EIF4A3: variants seen among roughly 807,000 people sequenced by gnomAD.
EIF4A3 encodes eukaryotic translation initiation factor 4A3, also known as eukaryotic initiation factor 4A-III.
A neutral mutation model predicts 55.6 loss-of-function variants in EIF4A3; 1 was observed. The ratio of observed to expected loss-of-function variants is 0.02; its 90% CI spans 0.01 to 0.09. The LOEUF (loss-of-function observed/expected upper bound fraction) is 0.09, where lower values mean the gene tolerates loss of function less well. Among genes scored for constraint, EIF4A3 ranks in the 10% least tolerant of loss-of-function variants. The pLI is 1.00. For missense variants in EIF4A3, 221 were observed against 540.7 expected (o/e 0.41, Z 5.86); for synonymous variants, 194 against 196.3 (o/e 0.99, Z 0.10).
At chr17:80,138,871 A>G in intron 7 of EIF4A3, 150 bp downstream of exon 7, 1 of 1,029,200 alleles carries the variant, frequency 9.7e-7, no homozygotes, top group Non-Finnish European at 1.4e-6. Flanking sequence ...CTTTACACTC[A>G]GGCAAGAGGA....
intron 6 of EIF4A3, 196 bp from the exon 7 acceptor site, chr17:80,139,358 C>G (rs562180248): frequency 1.4e-6 from 1 of 725,046 alleles, no homozygotes; most frequent in African/African-American, 1.8e-5. Context: ...GGAGTGTTAT[C>G]TGGTTGAGGG....
chr17:80,135,540 A>G (rs2039563459), intron 11 of EIF4A3, 34 bp from the exon 12 acceptor site: 2 of 1,527,038 alleles, frequency 1.3e-6, no homozygotes, highest in East Asian at 4.9e-5. Context: ...TTAAGGAACA[A>G]CACAAACAAA....
At chr17:80,135,644 C>G in intron 11 of EIF4A3, 138 bp from the exon 12 acceptor site, 1 of 765,292 alleles carries the variant, frequency 1.3e-6, no homozygotes, top group Non-Finnish European at 2.1e-6. Flanking sequence ...GCCTGTAATC[C>G]CAGCACTTTG....
In EIF4A3 at chr17:80,140,722, G is replaced by A. The variant is rs1190889480; in HGVS notation, c.373-582C>T. ...AAAATTCATAATCCCATCCACCGAA[G>A]AAACCAGCATTAACATCTTAATATA... On this transcript the variant is annotated intron_variant, in intron 4 of 11. Transcript: ENST00000649764. Among the ~76,000 whole-genome samples the A allele has an allele frequency of 2.6e-5, 4 of 152,138 alleles. No individual in the cohort carries two copies. The East Asian group carries it at 5.8e-4, about 22-fold the overall frequency.
At chr17:80,140,819 A>G (rs183746070) in intron 4 of EIF4A3, among the ~76,000 whole-genome samples, 4 of 152,068 alleles carry the variant, frequency 2.6e-5, no homozygotes, top group African/African-American at 7.2e-5. Context: ...TTTTTGAGAC[A>G]GAGTTTCACT....
In EIF4A3 at chr17:80,135,118, C is replaced by A; in HGVS notation, c.*372G>T. 5.9e-6 allele frequency: 1 copy of A among 170,584 alleles called. No homozygotes were observed. Among genetic ancestry groups the A allele is most frequent in the East Asian group, 1.5e-4 (1 of 6,778 alleles). 10.6% of individuals were successfully genotyped at this position (170,584 alleles called of 1,614,324 possible). On this transcript the variant is annotated 3_prime_UTR_variant, in exon 12 of 12. Coordinates refer to ENST00000649764, the MANE Select transcript of EIF4A3 (RefSeq NM_014740.4). Reference sequence around the variant, plus strand: ...GGTGAGAGGAGATCACGCCACTGCGCTCCTGCCTGGGCAACAGAGGGAGAC... The same window carrying A: ...GGTGAGAGGAGATCACGCCACTGCGATCCTGCCTGGGCAACAGAGGGAGAC...
chr17:80,146,134 T>G (rs528970857), intron 1 of EIF4A3, among the ~76,000 whole-genome samples: 5 of 152,286 alleles, frequency 3.3e-5, no homozygotes, highest in African/African-American at 9.6e-5. Flanking sequence ...CGACTAGCTC[T>G]CCAAAATCCC....
intron 4 of EIF4A3, 196 bp from the exon 5 acceptor site, chr17:80,140,336 CGGA>C: frequency 1.7e-6 from 1 of 575,418 alleles, no homozygotes; most frequent in Non-Finnish European, 2.6e-6. Flanking sequence ...TTTTTTGAGA[CGGA>C]GTCTCACTCT....
chr17:80,147,106 T>TGTGCCGCTGCCGACCTCGCG lies in EIF4A3; in HGVS notation c.-146_-145insCGCGAGGTCGGCAGCGGCAC. The TGTGCCGCTGCCGACCTCGCG allele has an allele frequency of 8.3e-7, 1 of 1,199,692 alleles. No individual in the cohort carries two copies. Among genetic ancestry groups the TGTGCCGCTGCCGACCTCGCG allele is most frequent in the Non-Finnish European group, 1.1e-6 (1 of 918,400 alleles). The allele number at this position is 1,199,692 out of a possible 1,614,324, so 74.3% of individuals were successfully genotyped here. On this transcript the variant is annotated 5_prime_UTR_variant, in exon 1 of 12. Transcript: ENST00000649764. ...CTCGCTGTGCCGCTGCCGACCTCGC[T>TGTGCCGCTGCCGACCTCGCG]GTGCCGCTGCCGACCTCGCTGTGCC...
At chr17:80,140,419 T>C in intron 4 of EIF4A3, 1 of 267,056 alleles carries the variant, frequency 3.7e-6, no homozygotes, top group Admixed American at 5.2e-5. Context: ...GTTCACGCCA[T>C]TCTCCCGCCT....
chr17:80,138,627 T>C (rs1048960671), intron 7 of EIF4A3: 2 of 341,940 alleles, frequency 5.8e-6, no homozygotes, highest in African/African-American at 4.1e-5. Flanking sequence ...GACAGGGTCT[T>C]GCTCTGTTGC....
At chr17:80,136,436 C>A in intron 9 of EIF4A3, 101 bp from the exon 10 acceptor site, 2 of 884,722 alleles carry the variant, frequency 2.3e-6, no homozygotes, top group Non-Finnish European at 3.5e-6. Flanking sequence ...GCTGCAGGTC[C>A]AAAATATACG....
chr17:80,138,914 A>G (rs2039595239), intron 7 of EIF4A3, 107 bp downstream of exon 7: 7 of 1,456,620 alleles, frequency 4.8e-6, no homozygotes, highest in African/African-American at 2.8e-5. Flanking sequence ...CACGAGCTTC[A>G]GCAACACAGC....
chr17:80,144,051 C>T lies in EIF4A3; in HGVS notation c.242+121G>A, dbSNP rs564463859. ...AAGTATTAAACCCTGTGGCTAAAGTCAGGGAAAGTGTTGGAACTGAGCGTG... is the reference window on the plus strand; with the variant it reads ...AAGTATTAAACCCTGTGGCTAAAGTTAGGGAAAGTGTTGGAACTGAGCGTG... On this transcript the variant is annotated intron_variant, in intron 2 of 11. Transcript: ENST00000649764. 9 of 926,128 alleles carry T rather than the reference C, an allele frequency of 9.7e-6. No individual in the cohort carries two copies. The East Asian group carries it at 1.7e-4, about 18-fold the overall frequency. 57.4% of individuals were successfully genotyped at this position (926,128 alleles called of 1,614,324 possible).
In EIF4A3 at chr17:80,136,528, G is replaced by A. The variant is rs1002523757; in HGVS notation, c.984-193C>T. On this transcript the variant is annotated intron_variant, in intron 9 of 11. Coordinates refer to ENST00000649764, the MANE Select transcript of EIF4A3 (RefSeq NM_014740.4). ...GAAACCCCTGTGCAGAGGGGCTGTT[G>A]GTGGATTTAGTTACTTCGGTCATGT... The A allele has an allele frequency of 1.8e-5, 10 of 570,850 alleles. No individual in the cohort carries two copies. In the Admixed American group the frequency reaches 2.6e-4, roughly 15 times the overall value. 35.4% of individuals were successfully genotyped at this position (570,850 alleles called of 1,614,324 possible). A position where few individuals can be genotyped will look rare whatever the true frequency, so the allele number is the denominator to read the frequency against.
At chr17:80,135,605 C>G in intron 11 of EIF4A3, 99 bp from the exon 12 acceptor site, 1 of 1,118,596 alleles carries the variant, frequency 8.9e-7, no homozygotes, top group Non-Finnish European at 1.3e-6. Flanking sequence ...CTTCTCAAAA[C>G]AAAAAACAGG....
At chr17:80,137,527 C>G in intron 8 of EIF4A3, 26 bp from the exon 9 acceptor site, 1 of 1,590,826 alleles carries the variant, frequency 6.3e-7, no homozygotes, top group Non-Finnish European at 8.6e-7. Flanking sequence ...ACAGATGCTA[C>G]TGCAAGCTAG....
At chr17:80,135,594 A>G in intron 11 of EIF4A3, 88 bp from the exon 12 acceptor site, 2 of 1,219,654 alleles carry the variant, frequency 1.6e-6, no homozygotes, top group Non-Finnish European at 2.3e-6. Flanking sequence ...CTCACAACAG[A>G]CTTCTCAAAA....
chr17:80,138,493 C>T, intron 7 of EIF4A3: 1 of 553,896 alleles, frequency 1.8e-6, no homozygotes, highest in South Asian at 2.5e-5. Context: ...ACAATGTGCA[C>T]CACATGGAAT....
Sources: allele counts gnomAD v4.1 joint callset (sites outside exome capture counted in the v4.1 genomes callset), GRCh38; gene constraint gnomAD v4.1.1; transcripts MANE v1.5; gene names NCBI Gene and HGNC (gene_info 2026-07-23, HGNC 2026-07-21).